Variants in LSAMP observed in about 807,000 individuals in gnomAD.
LSAMP encodes limbic system-associated membrane protein.
LSAMP carries 7 observed loss-of-function variants against 38.6 expected under a neutral mutation model. The ratio of observed to expected loss-of-function variants is 0.18; its 90% confidence interval spans 0.10 to 0.34. LSAMP has a LOEUF of 0.34. LSAMP is among the 10% of genes least tolerant of loss of function. The pLI is 1.00. For missense variants in LSAMP, 313 were observed against 420.0 expected (o/e 0.75, Z 2.23); for synonymous variants, 154 against 166.8 (o/e 0.92, Z 0.59).
intron 1 of LSAMP, among the ~76,000 whole-genome samples, chr3:116,328,201 G>T (rs56050560): frequency 6.6e-6 from 1 of 152,246 alleles, no homozygotes; most frequent in Middle Eastern, 3.4e-3. Flanking sequence ...ATAAAGCAAC[G>T]CAACGTCAAG....
chr3:116,044,332 TTTTG>T (rs1342031585), intron 2 of LSAMP, among the ~76,000 whole-genome samples: 2 of 152,198 alleles, frequency 1.3e-5, no homozygotes, highest in African/African-American at 4.8e-5. Flanking sequence ...TACCTTTCTT[TTTTG>T]TTTGTTTGTG....
intron 1 of LSAMP, among the ~76,000 whole-genome samples, chr3:116,393,603 C>A (rs1393842155): frequency 6.6e-6 from 1 of 152,156 alleles, no homozygotes; most frequent in Non-Finnish European, 1.5e-5. Flanking sequence ...CAGGCCCGAA[C>A]AAAAACTCAG....
At chr3:116,302,155 C>G (rs72950120) in intron 1 of LSAMP, among the ~76,000 whole-genome samples, 36 of 152,204 alleles carry the variant, frequency 2.4e-4, no homozygotes, top group Admixed American at 3.3e-4. Flanking sequence ...AAAAGATCCA[C>G]TTGTTATGGT....
At chr3:116,246,208 A>G (rs570570896) in intron 1 of LSAMP, among the ~76,000 whole-genome samples, 1 of 152,338 alleles carries the variant, frequency 6.6e-6, no homozygotes, top group East Asian at 1.9e-4. Context: ...TAGTTCCTAG[A>G]GTGTAAAACA....
At chr3:116,146,843 T>C (rs1559759868) in intron 1 of LSAMP, among the ~76,000 whole-genome samples, 1 of 151,940 alleles carries the variant, frequency 6.6e-6, no homozygotes, top group Non-Finnish European at 1.5e-5. Flanking sequence ...TAAAATAAGA[T>C]ATTTTTCACA....
At chr3:116,266,249 T>C (rs1035476758) in intron 1 of LSAMP, among the ~76,000 whole-genome samples, 4 of 152,218 alleles carry the variant, frequency 2.6e-5, no homozygotes, top group African/African-American at 9.6e-5. Context: ...TTGTGTATGG[T>C]ATGCTAATGA....
At chr3:115,934,187 A>ATT (rs11391901) in intron 3 of LSAMP, among the ~76,000 whole-genome samples, 2,780 of 149,118 alleles carry the variant, frequency 0.019, 85 homozygotes, top group African/African-American at 0.063. Flanking sequence ...ATTTTATTTT[A>ATT]TTTTTTTTTC....
intron 3 of LSAMP, among the ~76,000 whole-genome samples, chr3:115,868,973 A>G (rs1418697033): frequency 6.6e-6 from 1 of 152,092 alleles, no homozygotes; most frequent in Non-Finnish European, 1.5e-5. Context: ...AAATCAGGAA[A>G]AAAAACCCAT....
At chr3:116,167,056 G>A (rs1453594303) in intron 1 of LSAMP, among the ~76,000 whole-genome samples, 1 of 152,088 alleles carries the variant, frequency 6.6e-6, no homozygotes, top group Non-Finnish European at 1.5e-5. Flanking sequence ...CTCCCAAAGT[G>A]CTGGGATTAC....
chr3:116,018,030 T>C (rs1940534421), intron 3 of LSAMP, among the ~76,000 whole-genome samples: 1 of 152,128 alleles, frequency 6.6e-6, no homozygotes. Context: ...ATATAATATC[T>C]ACGTTCATAC....
At chr3:116,201,254 A>G (rs1417813426) in intron 1 of LSAMP, among the ~76,000 whole-genome samples, 1 of 152,152 alleles carries the variant, frequency 6.6e-6, no homozygotes, top group African/African-American at 2.4e-5. Flanking sequence ...AGCCTCCTTC[A>G]GGCCCTGGTA....
chr3:116,072,660 CT>C lies in LSAMP; in HGVS notation c.388+13663del, dbSNP rs938662021. Among the ~76,000 whole-genome samples, 14 of 148,334 alleles carry C rather than the reference CT, an allele frequency of 9.4e-5. 1 individual carries two copies. The East Asian group carries it at 1.4e-3, about 15-fold the overall frequency. On this transcript the variant is annotated intron_variant, in intron 2 of 6. Transcript: ENST00000490035. ...TTATCTAATGATCAGCAATATTGAGCTTTTTTTTCATGTTTGTTGACTGCAT... is the reference window on the plus strand; with the variant it reads ...TTATCTAATGATCAGCAATATTGAGCTTTTTTTCATGTTTGTTGACTGCAT...
chr3:116,078,671 G>A (rs1369949817), intron 2 of LSAMP, among the ~76,000 whole-genome samples: 1 of 152,128 alleles, frequency 6.6e-6, no homozygotes, highest in Non-Finnish European at 1.5e-5. Flanking sequence ...TATCAGAATT[G>A]TAATATATTG....
chr3:116,332,393 C>T (rs192350382), intron 1 of LSAMP, among the ~76,000 whole-genome samples: 10 of 152,088 alleles, frequency 6.6e-5, no homozygotes, highest in Admixed American at 3.9e-4. Context: ...TTTTGTATGT[C>T]GCTGAAGTTA....
At chr3:116,301,430 T>A (rs2047407035) in intron 1 of LSAMP, among the ~76,000 whole-genome samples, 1 of 152,152 alleles carries the variant, frequency 6.6e-6, no homozygotes, top group African/African-American at 2.4e-5. Flanking sequence ...AATGAAGACT[T>A]AGAACACTTA....
At chr3:116,161,170 A>G (rs1709878667) in intron 1 of LSAMP, among the ~76,000 whole-genome samples, 1 of 152,164 alleles carries the variant, frequency 6.6e-6, no homozygotes, top group African/African-American at 2.4e-5. Flanking sequence ...GTATTTTTTT[A>G]GGGACAAGAA....
chr3:116,154,865 A>G (rs183156673), intron 1 of LSAMP, among the ~76,000 whole-genome samples: 8 of 152,272 alleles, frequency 5.3e-5, no homozygotes, highest in Non-Finnish European at 5.9e-5. Context: ...TTAAAAGTAA[A>G]TTATGCTTTA....
At chr3:116,319,793 T>G (rs922606117) in intron 1 of LSAMP, among the ~76,000 whole-genome samples, 22 of 120,840 alleles carry the variant, frequency 1.8e-4, no homozygotes, top group African/African-American at 6.9e-4. Flanking sequence ...AGACTCAAAG[T>G]TTTTTTTTTT....
chr3:116,266,739 T>C (rs1329109281), intron 1 of LSAMP, among the ~76,000 whole-genome samples: 1 of 151,728 alleles, frequency 6.6e-6, no homozygotes, highest in African/African-American at 2.4e-5. Flanking sequence ...TATAGAGAGG[T>C]AAAAAAGATG....
Sources: gnomAD v4.1 joint callset for allele counts (sites outside exome capture counted in the v4.1 genomes callset) on GRCh38, gnomAD v4.1.1 for gene constraint, MANE v1.5 for transcripts, NCBI Gene and HGNC (gene_info 2026-07-23, HGNC 2026-07-21) for gene names.